CD177: variants seen among roughly 807,000 people sequenced by gnomAD.
CD177 encodes the protein CD177 molecule, also known as CD177 antigen.
CD177 carries 41 observed loss-of-function variants against 38.1 expected under a neutral mutation model. The observed-to-expected ratio is 1.07, with a 90% CI of 0.84 to 1.39. The LOEUF (loss-of-function observed/expected upper bound fraction) is 1.39. CD177 is among the 40% of genes most tolerant of loss of function. CD177 has a pLI of 0.00. For synonymous variants in CD177, 236 were observed against 216.7 expected, an observed-to-expected ratio of 1.09 and a Z score of -0.78; for missense variants, 619 against 523.8, an observed-to-expected ratio of 1.18 and a Z score of -1.77.
Position 43,360,410 on chromosome 19 carries a change from G to A in CD177, c.760+5G>A, listed in dbSNP as rs774472249. ...CGCTGCTGCTCCTAGATGTAGGTACGTGGACTGAGGTAGAAGACGAACACC... is the reference window on the plus strand; with the variant it reads ...CGCTGCTGCTCCTAGATGTAGGTACATGGACTGAGGTAGAAGACGAACACC... On this transcript the variant is annotated splice_donor_5th_base_variant and intron_variant, in intron 6 of 8. Coordinates refer to ENST00000618265, the MANE Select transcript of CD177 (RefSeq NM_020406.4). The A allele has an allele frequency of 8.8e-6, 14 of 1,587,240 alleles. No individual in the cohort carries two copies. The highest frequency in any genetic ancestry group is 6.9e-5 in the South Asian group (6 of 87,066).
Position 43,353,711 on chromosome 19 carries a change from G to A in CD177, c.-4G>A. ...AGAAAGAGATTACCAGCCACAGACG[G>A]GTCATGAGCGCGGTATTACTGCTGG... On this transcript the variant is annotated 5_prime_UTR_variant, in exon 1 of 9. Transcript: ENST00000618265. 1.9e-6 allele frequency: 3 copies of A among 1,613,806 alleles called. No homozygotes were observed. Among genetic ancestry groups the A allele is most frequent in the Non-Finnish European group, 2.5e-6 (3 of 1,179,832 alleles).
chr19:43,354,506 T>C (rs1194809108), intron 3 of CD177, 114 bp downstream of exon 3: 4 of 1,094,948 alleles, frequency 3.7e-6, no homozygotes, highest in Non-Finnish European at 5.3e-6. Context: ...CGACCCTCGC[T>C]GGCTCCATCC....
chr19:43,360,149 G>C (rs956951592), intron 5 of CD177, 116 bp from the exon 6 acceptor site: 1 of 1,230,012 alleles, frequency 8.1e-7, no homozygotes, highest in African/African-American at 1.5e-5. Context: ...GGGAATCTGT[G>C]GCCAGGTCAC....
chr19:43,363,739 G>C (rs74260410), downstream of CD177, among the ~76,000 whole-genome samples: 26 of 152,286 alleles, frequency 1.7e-4, no homozygotes, highest in East Asian at 5.0e-3. Flanking sequence ...AACACGTCTA[G>C]TACCGTTCAC....
Position 43,361,841 on chromosome 19 carries a change from C to T in CD177, c.1082-247C>T, listed in dbSNP as rs564642497. 1.4e-4 allele frequency among the ~76,000 whole-genome samples: 20 copies of T among 143,870 alleles called. No individual in the cohort carries two copies. In the East Asian group the frequency reaches 3.8e-3, roughly 28 times the overall value. The allele number at this position is 143,870 out of a possible 152,430, so 94.4% of individuals were successfully genotyped here. A position where few individuals can be genotyped will look rare whatever the true frequency, so the allele number is the denominator to read the frequency against. On this transcript the variant is annotated intron_variant, in intron 8 of 8. Transcript: ENST00000618265. ...GTCTGAGGGAGGAGGGGCTGGGGGCCGGGGCTCCTGGGTCTGAGGAGCTGA... is the reference window on the plus strand; with the variant it reads ...GTCTGAGGGAGGAGGGGCTGGGGGCTGGGGCTCCTGGGTCTGAGGAGCTGA...
chr19:43,362,244 T>A lies in CD177; in HGVS notation c.1238T>A (p.Leu413Gln), dbSNP rs755650599. The A allele has an allele frequency of 1.9e-6, 3 of 1,610,656 alleles. No individual in the cohort carries two copies. In the East Asian group the frequency reaches 6.7e-5, roughly 36 times the overall value. The change falls in exon 9 of 9, where the codon CTG becomes CAG. Residue 413 changes from leucine to glutamine, a missense_variant. Coordinates refer to ENST00000618265, the MANE Select transcript of CD177 (RefSeq NM_020406.4). ...CATGAGGGAGGTGGGGCTGAGGGCC[T>A]GGAGTCTCTCACTTGGGGGGTGGGG... is the stretch of plus-strand genomic sequence containing the variant. ...SQHEGGGAEG[L>Q]ESLTWGVGLA...
rs540898196 is a variant in CD177 at position 43,355,263 on chromosome 19, G to A, written c.380-398G>A. ...CACGTAGCAGGGACTAGAGGAGCCTGCCACCACGCCCGGCTAATTTTTGTA... is the reference window on the plus strand; with the variant it reads ...CACGTAGCAGGGACTAGAGGAGCCTACCACCACGCCCGGCTAATTTTTGTA... On this transcript the variant is annotated intron_variant, in intron 3 of 8. Coordinates refer to ENST00000618265, the MANE Select transcript of CD177 (RefSeq NM_020406.4). 4.5e-4 allele frequency among the ~76,000 whole-genome samples: 68 copies of A among 151,266 alleles called. 1 individual carries two copies. Among genetic ancestry groups the A allele is most frequent in the African/African-American group, 1.4e-3 (57 of 41,208 alleles).
At chr19:43,361,772 G>GCTCT (rs1969970655) in intron 8 of CD177, among the ~76,000 whole-genome samples, 193 bp downstream of exon 8, 1 of 148,330 alleles carries the variant, frequency 6.7e-6, no homozygotes, top group Admixed American at 7.3e-5. Flanking sequence ...TGGGGGCCTG[G>GCTCT]GCTCCTGGTC....
chr19:43,363,924 C>CA (rs568606190), downstream of CD177, among the ~76,000 whole-genome samples: 31 of 152,066 alleles, frequency 2.0e-4, 1 homozygote, highest in South Asian at 5.8e-3. Context: ...CGCTTCTCTA[C>CA]AAAAAAATAC....
At position 43,361,568 on chromosome 19, in the gene CD177, A is replaced by G. The variant is rs1360518944; in HGVS notation, c.1070A>G (p.His357Arg). ...ACTCATTGTTATGATGGGTACATTC[A>G]TCTCTCAGGAGGTGAGTGCTGCAAG... ...GATHCYDGYI[H>R]LSGGGLSTKM... Residue 357 changes from histidine (H) to arginine (R), a missense_variant, in exon 8 of 9, where the codon CAT (histidine) becomes CGT (arginine). Coordinates refer to ENST00000618265, the MANE Select transcript of CD177 (RefSeq NM_020406.4). The G allele has an allele frequency of 1.9e-6, 3 of 1,567,636 alleles. No individual in the cohort carries two copies. The highest frequency in any genetic ancestry group is 3.7e-5 in the Admixed American group (2 of 54,146).
intron 8 of CD177, 146 bp from the exon 9 acceptor site, chr19:43,361,942 G>A: frequency 1.5e-6 from 1 of 660,188 alleles, no homozygotes; most frequent in Non-Finnish European, 2.6e-6. Flanking sequence ...AGGGGCTGGG[G>A]GCCTGGACCC....
chr19:43,362,881 G>A lies in CD177; in HGVS notation c.*561G>A, dbSNP rs1969993246. ...ATCTGAGCAACTGCAGGAGAGGTTA[G>A]TACAGTCATGCATTGCTTAACGACA... On this transcript the variant is annotated 3_prime_UTR_variant, in exon 9 of 9. Transcript: ENST00000618265. 6.6e-6 allele frequency: 1 copy of A among 152,516 alleles called. No individual in the cohort carries two copies. The highest frequency in any genetic ancestry group is 1.5e-5 in the Non-Finnish European group (1 of 68,270). 9.4% of individuals were successfully genotyped at this position (152,516 alleles called of 1,614,324 possible). A position where few individuals can be genotyped will look rare whatever the true frequency, so the allele number is the denominator to read the frequency against.
In CD177 at chr19:43,353,759, A is replaced by G; in HGVS notation, c.45A>G (p.Pro15=). 1 of 1,613,932 alleles carries G rather than the reference A, an allele frequency of 6.2e-7. No homozygotes were observed. ...TGGCCCTCCTGGGGTTCATCCTCCC[A>G]CTGCCAGGTGAGTGATGAGCCCAGC... ...LLLALLGFIL[P]LPGVQALLCQ... is the part of the protein sequence containing the mutation. Residue 15 remains proline (P), a synonymous_variant, in exon 1 of 9, where the codon CCA becomes CCG. Transcript: ENST00000618265.
chr19:43,355,381 G>C (rs1969912467), intron 3 of CD177: 2 of 417,114 alleles, frequency 4.8e-6, no homozygotes, highest in South Asian at 3.5e-5. Flanking sequence ...CAAAGTGCTG[G>C]GATTACAGGT....
rs1179485398 is a variant in CD177 at position 43,362,890 on chromosome 19, T to C, written c.*570T>C. The stretch of plus-strand genomic sequence containing the variant: ...ACTGCAGGAGAGGTTAGTACAGTCA[T>C]GCATTGCTTAACGACAGGGACGTGT... On this transcript the variant is annotated 3_prime_UTR_variant, in exon 9 of 9. Coordinates refer to ENST00000618265, the MANE Select transcript of CD177 (RefSeq NM_020406.4). The C allele has an allele frequency of 6.6e-6, 1 of 152,332 alleles. No individual in the cohort carries two copies. Among genetic ancestry groups the C allele is most frequent in the African/African-American group, 2.4e-5 (1 of 41,450 alleles). 9.4% of individuals were successfully genotyped at this position (152,332 alleles called of 1,614,324 possible). A position where few individuals can be genotyped will look rare whatever the true frequency, so the allele number is the denominator to read the frequency against.
intron 5 of CD177, 131 bp from the exon 6 acceptor site, chr19:43,360,134 G>C (rs1599877583): frequency 2.7e-6 from 3 of 1,106,574 alleles, no homozygotes; most frequent in Non-Finnish European, 3.8e-6. Flanking sequence ...TGAATCCTTG[G>C]TTAAGGGAAT....
chr19:43,354,598 C>T (rs1374515703), intron 3 of CD177: 1 of 608,874 alleles, frequency 1.6e-6, no homozygotes, highest in Non-Finnish European at 2.9e-6. Flanking sequence ...CTCCCACCGA[C>T]CTGCCACCCG....
At position 43,362,323 on chromosome 19, in the gene CD177, C is replaced by T; in HGVS notation, c.*3C>T. The stretch of plus-strand genomic sequence containing the variant: ...GAGTGGTTTGCCCTTCCTGCTAACT[C>T]TATTACCCCCACGATTCTTCACCGC... On this transcript the variant is annotated 3_prime_UTR_variant, in exon 9 of 9. Transcript: ENST00000618265. 3.6e-6 allele frequency: 5 copies of T among 1,384,832 alleles called. No homozygotes were observed. The highest frequency in any genetic ancestry group is 5.0e-6 in the Non-Finnish European group (5 of 991,142). The allele number at this position is 1,384,832 out of a possible 1,614,324, so 85.8% of individuals were successfully genotyped here.
Position 43,354,192 on chromosome 19 carries a change from C to G in CD177, c.194-15C>G. ...CCTGACCTCCATCCTCGCTTGCCTCCCTCTTTCGGTCCAGGACCCCAAGTG... is the reference window on the plus strand; with the variant it reads ...CCTGACCTCCATCCTCGCTTGCCTCGCTCTTTCGGTCCAGGACCCCAAGTG... On this transcript the variant is annotated splice_polypyrimidine_tract_variant and intron_variant, in intron 2 of 8. Transcript: ENST00000618265. The G allele has an allele frequency of 6.2e-7, 1 of 1,608,412 alleles. No homozygotes were observed. The highest frequency in any genetic ancestry group is 8.5e-7 in the Non-Finnish European group (1 of 1,177,572).
Sources: gnomAD v4.1 joint callset for allele counts (sites outside exome capture counted in the v4.1 genomes callset) on GRCh38, gnomAD v4.1.1 for gene constraint, MANE v1.5 for transcripts, NCBI Gene and HGNC (gene_info 2026-07-23, HGNC 2026-07-21) for gene names.